Variants in RET observed in about 807,000 individuals in gnomAD.
The protein encoded by RET is proto-oncogene tyrosine-protein kinase receptor Ret.
Under a neutral mutation model 118.3 loss-of-function variants are expected in RET, and 19 were observed. The ratio of observed to expected loss-of-function variants is 0.16; its 90% CI spans 0.11 to 0.24. The LOEUF (loss-of-function observed/expected upper bound fraction) is 0.24, where lower values mean the gene tolerates loss of function less well. Ranked by LOEUF, RET falls within the 10% of genes least tolerant of loss-of-function variation. The probability of loss-of-function intolerance (pLI) is 1.00; values close to 1 mark genes in which losing one functional copy is unlikely to be tolerated. For synonymous variants in RET, 597 were observed against 644.1 expected (o/e 0.93, Z 1.11); for missense variants, 1,219 against 1,502.1 (o/e 0.81, Z 3.12).
chr10:43,077,652 C>G (rs1450404227), intron 1 of RET, among the ~76,000 whole-genome samples: 2 of 152,142 alleles, frequency 1.3e-5, no homozygotes, highest in Non-Finnish European at 2.9e-5. Flanking sequence ...GCCAAAGCCG[C>G]GTCCTGGAGC....
chr10:43,112,368 C>T, intron 8 of RET, 144 bp downstream of exon 8: 3 of 1,273,236 alleles, frequency 2.4e-6, no homozygotes, highest in Non-Finnish European at 3.3e-6. Flanking sequence ...CTCTCGATGC[C>T]AGCATAGCGG....
rs759493354 is a variant in RET, at chr10:43,108,986, G to A, written c.1064-45G>A. 2.5e-6 allele frequency: 4 copies of A among 1,581,892 alleles called. No homozygotes were observed. In the South Asian group the frequency reaches 3.3e-5, roughly 13 times the overall value. On this transcript the variant is annotated intron_variant, in intron 5 of 19. Coordinates refer to ENST00000355710, the MANE Select transcript of RET (RefSeq NM_020975.6). ...GAAGAGGTGTGCTACACATGAGGAA[G>A]CAGCCAGAGCAGCTTGGTGGTCATT...
rs201101792 is a variant in RET, at chr10:43,119,681, T to A, written c.2543T>A (p.Met848Lys). Residue 848 changes from methionine (M) to lysine (K), a missense_variant, in exon 14 of 20, where the codon ATG (methionine) becomes AAG (lysine). Met to Lys is a moderately conservative substitution (Grantham distance 95). This residue lies in a region of RET where 850 missense variants were observed against 969.6 expected (regional missense o/e 0.88). Transcript: ENST00000355710. ...LDHPDERALT[M>K]GDLISFAWQI... ...CACCCGGATGAGCGGGCCCTCACCATGGGCGACCTCATCTCATTTGCCTGG... is the reference window on the plus strand; with the variant it reads ...CACCCGGATGAGCGGGCCCTCACCAAGGGCGACCTCATCTCATTTGCCTGG... 8 of 1,613,392 alleles carry A rather than the reference T, an allele frequency of 5.0e-6. No homozygotes were observed.
At chr10:43,091,854 T>TG (rs1323132821) in intron 1 of RET, among the ~76,000 whole-genome samples, 2 of 146,716 alleles carry the variant, frequency 1.4e-5, no homozygotes, top group African/African-American at 5.0e-5. Flanking sequence ...GAACCAGTGT[T>TG]GGTAAGGATG....
intron 9 of RET, 98 bp from the exon 10 acceptor site, chr10:43,113,458 A>G (rs1181692298): frequency 7.2e-7 from 1 of 1,384,240 alleles, no homozygotes; most frequent in Non-Finnish European, 9.6e-7. Flanking sequence ...TTGCGACACC[A>G]GTTGGGGAGG....
intron 1 of RET, among the ~76,000 whole-genome samples, chr10:43,091,006 C>T (rs1230514338): frequency 6.6e-6 from 1 of 151,838 alleles, no homozygotes; most frequent in Admixed American, 6.6e-5. Context: ...GGCAGGTGAC[C>T]AGGGCAGCAG....
intron 17 of RET, among the ~76,000 whole-genome samples, chr10:43,124,347 G>A (rs1838284549): frequency 6.6e-6 from 1 of 152,166 alleles, no homozygotes; most frequent in South Asian, 2.1e-4. Flanking sequence ...GCTGGGCCGA[G>A]AAGCCAGGTA....
intron 1 of RET, among the ~76,000 whole-genome samples, chr10:43,098,880 T>A (rs1372693425): frequency 1.3e-5 from 2 of 152,246 alleles, no homozygotes; most frequent in Non-Finnish European, 2.9e-5. Context: ...TATTTGAGAC[T>A]TGGCTTTCAA....
At chr10:43,089,935 G>A (rs865932819) in intron 1 of RET, among the ~76,000 whole-genome samples, 1 of 152,352 alleles carries the variant, frequency 6.6e-6, no homozygotes, top group Middle Eastern at 3.4e-3. Flanking sequence ...TGGGACAGGA[G>A]CTTGTTCAGG....
At chr10:43,084,867 A>G (rs1353072398) in intron 1 of RET, among the ~76,000 whole-genome samples, 2 of 152,162 alleles carry the variant, frequency 1.3e-5, no homozygotes, top group East Asian at 3.9e-4. Context: ...GGAAGGTGCA[A>G]GGAGCCAGCA....
At chr10:43,095,442 G>A (rs1837501643) in intron 1 of RET, among the ~76,000 whole-genome samples, 1 of 152,194 alleles carries the variant, frequency 6.6e-6, no homozygotes, top group African/African-American at 2.4e-5. Flanking sequence ...AAAGTAACCT[G>A]CTCCAGGCCC....
At chr10:43,104,904 C>T (rs929487035) in intron 3 of RET, 48 bp from the exon 4 acceptor site, 3 of 1,539,228 alleles carry the variant, frequency 1.9e-6, no homozygotes, top group Non-Finnish European at 2.6e-6. Flanking sequence ...GCGGCTGGCC[C>T]GGTCCCGGCT....
intron 2 of RET, among the ~76,000 whole-genome samples, chr10:43,101,653 C>T (rs910048730): frequency 1.3e-5 from 2 of 152,196 alleles, no homozygotes; most frequent in South Asian, 2.1e-4. Flanking sequence ...GCCTGCATTT[C>T]GTAGGAGGCC....
At chr10:43,127,335 CT>C (rs1838358382) in intron 19 of RET, 1 of 1,068,478 alleles carries the variant, frequency 9.4e-7, no homozygotes, top group African/African-American at 1.6e-5. Context: ...TTTTCACATC[CT>C]TTCCCTTACC....
intron 16 of RET, among the ~76,000 whole-genome samples, chr10:43,122,288 C>T (rs563141771): frequency 1.6e-4 from 25 of 152,210 alleles, no homozygotes; most frequent in Non-Finnish European, 2.5e-4. Flanking sequence ...CAGCCTCCCC[C>T]ACCCTTGCTA....
At chr10:43,121,514 C>G (rs1838217065) in intron 15 of RET, among the ~76,000 whole-genome samples, 2 of 152,222 alleles carry the variant, frequency 1.3e-5, no homozygotes, top group Non-Finnish European at 2.9e-5. Flanking sequence ...GGCACACAGA[C>G]AAATCCCTTC....
chr10:43,082,586 C>G lies in RET; in HGVS notation c.73+5255C>G, dbSNP rs543324703. Among the ~76,000 whole-genome samples, 4 of 146,214 alleles carry G rather than the reference C, an allele frequency of 2.7e-5. No homozygotes were observed. The South Asian group carries it at 9.1e-4, about 33-fold the overall frequency. ...CCCAGATTCGGGTGCTGCAGCTGCG[C>G]TTCCACTCCTGGCCCTTGCTCCTCT... is the stretch of plus-strand genomic sequence containing the variant. On this transcript the variant is annotated intron_variant, in intron 1 of 19. Transcript: ENST00000355710.
Position 43,098,715 on chromosome 10 carries a change from C to A in RET, c.74-1744C>A, listed in dbSNP as rs544110033. On this transcript the variant is annotated intron_variant, in intron 1 of 19. Transcript: ENST00000355710. Reference sequence around the variant, plus strand: ...AGGATTACAGGCGTGAGCCACTGCGCCCGGCCAGATTTCCCTCCTTTCTAA... The same window carrying A: ...AGGATTACAGGCGTGAGCCACTGCGACCGGCCAGATTTCCCTCCTTTCTAA... 1.1e-4 allele frequency among the ~76,000 whole-genome samples: 16 copies of A among 152,338 alleles called. No individual in the cohort carries two copies. The South Asian group carries it at 3.3e-3, about 32-fold the overall frequency.
chr10:43,120,904 AG>A (rs1282127044), intron 15 of RET, among the ~76,000 whole-genome samples: 1 of 151,296 alleles, frequency 6.6e-6, no homozygotes, highest in Admixed American at 6.6e-5. Flanking sequence ...CATGCCGCCC[AG>A]ACGTTCAGAG....
Sources: gnomAD v4.1 joint callset for allele counts (sites outside exome capture counted in the v4.1 genomes callset) on GRCh38, gnomAD v4.1.1 for gene constraint, gnomAD v4.1.1 regional missense constraint, MANE v1.5 for transcripts, NCBI Gene and HGNC (gene_info 2026-07-23, HGNC 2026-07-21) for gene names.